Variants in MPP7 observed in about 807,000 individuals in gnomAD.
The protein encoded by MPP7 is MAGUK p55 subfamily member 7.
Under a neutral mutation model 76.5 loss-of-function variants are expected in MPP7, and 60 were observed. That is an observed-to-expected ratio of 0.78 (90% CI 0.64 to 0.97). The LOEUF is 0.97. Among genes scored for constraint, MPP7 ranks in the 50% least tolerant of loss-of-function variants. The pLI is 0.00. For missense variants in MPP7, 641 were observed against 694.0 expected (o/e 0.92, Z 0.86); for synonymous variants, 237 against 244.5 (o/e 0.97, Z 0.29).
intron 11 of MPP7, among the ~76,000 whole-genome samples, chr10:28,099,370 T>G (rs1853710307): frequency 6.6e-6 from 1 of 152,194 alleles, no homozygotes; most frequent in Admixed American, 6.5e-5. Context: ...TCTAATAACA[T>G]CAGATAGTAT....
In MPP7 at chr10:28,312,894, T is replaced by C. The variant is rs527283774; in HGVS notation, c.-132+17035A>G. 5.9e-5 allele frequency among the ~76,000 whole-genome samples: 9 copies of C among 152,276 alleles called. No individual in the cohort carries two copies. The South Asian group carries it at 1.9e-3, about 32-fold the overall frequency. On this transcript the variant is annotated intron_variant, in intron 2 of 11. Coordinates refer to the MPP7 transcript ENST00000441595. ...CGCCACTTGAAAACTAAGTAACTCC[T>C]TGTTCCACGTTGAAGATTAGGAAAC... is the stretch of plus-strand genomic sequence containing the variant.
At chr10:28,095,320 T>A (rs1218722626) in intron 11 of MPP7, among the ~76,000 whole-genome samples, 1 of 151,072 alleles carries the variant, frequency 6.6e-6, no homozygotes, top group Non-Finnish European at 1.5e-5. Context: ...ACCAATAAAA[T>A]AGCCAGAACA....
At chr10:28,207,520 T>C (rs754390016) in intron 2 of MPP7, among the ~76,000 whole-genome samples, 27 of 151,712 alleles carry the variant, frequency 1.8e-4, no homozygotes, top group Non-Finnish European at 3.7e-4. Flanking sequence ...CCTGTCTATA[T>C]AAAAAATTTA....
intron 5 of MPP7, among the ~76,000 whole-genome samples, chr10:28,138,008 G>A (rs1835400627): frequency 6.6e-6 from 1 of 152,202 alleles, no homozygotes; most frequent in African/African-American, 2.4e-5. Context: ...CCTTCAGCTT[G>A]CTTTAATGAA....
At chr10:28,282,636 C>A (rs1840705265) in intron 1 of MPP7, among the ~76,000 whole-genome samples, 1 of 151,890 alleles carries the variant, frequency 6.6e-6, no homozygotes, top group Non-Finnish European at 1.5e-5. Context: ...GACACTCCCA[C>A]AATTAAAGGA....
At chr10:28,176,721 A>C (rs936923169) in intron 3 of MPP7, among the ~76,000 whole-genome samples, 4 of 152,016 alleles carry the variant, frequency 2.6e-5, no homozygotes, top group Non-Finnish European at 4.4e-5. Context: ...TGAGCAACAG[A>C]GCAAGACTCT....
chr10:28,153,503 C>T (rs1835951562), intron 3 of MPP7, among the ~76,000 whole-genome samples: 1 of 152,092 alleles, frequency 6.6e-6, no homozygotes, highest in Non-Finnish European at 1.5e-5. Context: ...ATACATTATG[C>T]TCTATGTATA....
chr10:28,265,807 G>A (rs910792695), intron 1 of MPP7, among the ~76,000 whole-genome samples: 1 of 152,168 alleles, frequency 6.6e-6, no homozygotes, highest in East Asian at 1.9e-4. Context: ...GCAGAGGAAA[G>A]GGAAAGAATG....
At chr10:28,235,022 C>T (rs187276026) in intron 2 of MPP7, among the ~76,000 whole-genome samples, 22 of 152,274 alleles carry the variant, frequency 1.4e-4, no homozygotes, top group Admixed American at 8.5e-4. Flanking sequence ...GTTGCCCAGA[C>T]TGGTCTCAAA....
At chr10:28,321,631 C>G (rs747439277) in intron 2 of MPP7, among the ~76,000 whole-genome samples, 9 of 152,120 alleles carry the variant, frequency 5.9e-5, no homozygotes, top group Non-Finnish European at 1.3e-4. Context: ...ATCACCCAGG[C>G]TGGAGTGCAG....
intron 3 of MPP7, among the ~76,000 whole-genome samples, chr10:28,193,881 A>G (rs1281113367): frequency 1.8e-3 from 1 of 548 alleles, no homozygotes; most frequent in Non-Finnish European, 2.6e-3. Context: ...GCTAAAATTA[A>G]AAAAAAAAAA....
intron 12 of MPP7, among the ~76,000 whole-genome samples, chr10:28,083,404 G>C (rs1277631201): frequency 1.3e-5 from 2 of 152,066 alleles, no homozygotes; most frequent in African/African-American, 4.8e-5. Context: ...GACACCAGGG[G>C]GCTGAAATTT....
chr10:28,302,630 A>G (rs1841188169), intron 1 of MPP7, among the ~76,000 whole-genome samples: 1 of 151,718 alleles, frequency 6.6e-6, no homozygotes, highest in African/African-American at 2.4e-5. Flanking sequence ...AGGGGTCCTC[A>G]GGGTCCCGCC....
chr10:28,064,931 CCTA>C (rs1265054924), intron 13 of MPP7, among the ~76,000 whole-genome samples: 5 of 151,992 alleles, frequency 3.3e-5, no homozygotes, highest in Non-Finnish European at 7.4e-5. Flanking sequence ...AGAAAAATAC[CCTA>C]CTGAGGGTAT....
intron 3 of MPP7, among the ~76,000 whole-genome samples, chr10:28,192,710 C>T (rs906616482): frequency 3.9e-5 from 6 of 152,098 alleles, no homozygotes; most frequent in African/African-American, 1.4e-4. Flanking sequence ...CAAATGGAGC[C>T]ATAGAATACA....
chr10:28,133,726 C>T (rs1372031303), intron 5 of MPP7, among the ~76,000 whole-genome samples: 3 of 152,190 alleles, frequency 2.0e-5, no homozygotes, highest in East Asian at 1.9e-4. Context: ...ACTCCAGTGG[C>T]CCCCACTTAT....
chr10:28,193,358 G>A (rs1014585988), intron 3 of MPP7, among the ~76,000 whole-genome samples: 4 of 151,954 alleles, frequency 2.6e-5, no homozygotes, highest in South Asian at 2.1e-4. Flanking sequence ...GACTACAGGC[G>A]CCCGTCACCA....
intron 12 of MPP7, among the ~76,000 whole-genome samples, chr10:28,079,763 A>C (rs1275480448): frequency 2.0e-5 from 3 of 152,214 alleles, no homozygotes; most frequent in African/African-American, 7.2e-5. Flanking sequence ...CTTGAACAGC[A>C]ATATGTATTA....
intron 3 of MPP7, among the ~76,000 whole-genome samples, chr10:28,188,795 G>T (rs942431782): frequency 1.3e-5 from 2 of 151,962 alleles, no homozygotes; most frequent in Non-Finnish European, 2.9e-5. Flanking sequence ...CAAGCAAAAA[G>T]AGAGTGGACT....
Sources: gnomAD v4.1 joint callset for allele counts (sites outside exome capture counted in the v4.1 genomes callset) on GRCh38, gnomAD v4.1.1 for gene constraint, MANE v1.5 for transcripts, NCBI Gene and HGNC (gene_info 2026-07-23, HGNC 2026-07-21) for gene names.